TLN2: variants seen among roughly 807,000 people sequenced by gnomAD.
TLN2 encodes talin 2, also known as talin-2.
Under a neutral mutation model 294.7 loss-of-function variants are expected in TLN2, and 118 were observed. The ratio of observed to expected loss-of-function variants is 0.40; its 90% CI spans 0.34 to 0.47. TLN2 has a LOEUF of 0.47. Among genes scored for constraint, TLN2 ranks in the 20% least tolerant of loss-of-function variants. The pLI is 0.84. For missense variants in TLN2, 3,083 were observed against 3,282.2 expected, an observed-to-expected ratio of 0.94 and a Z score of 1.48; for synonymous variants, 1,431 against 1,304.5, an observed-to-expected ratio of 1.10 and a Z score of -2.09.
chr15:62,433,816 C>T (rs940471295), intron 1 of TLN2, among the ~76,000 whole-genome samples: 19 of 151,488 alleles, frequency 1.3e-4, no homozygotes, highest in Non-Finnish European at 7.4e-5. Flanking sequence ...TGGTGAAACC[C>T]TGCCTCTACT....
At position 62,472,285 on chromosome 15, in the gene TLN2, C is replaced by A. The variant is rs149495605; in HGVS notation, c.-238+81600C>A. ...CCCCCAAACCCAGATCACATGCTCCCAGCCTTCGAGATGACTCCTTATATC... is the reference window on the plus strand; with the variant it reads ...CCCCCAAACCCAGATCACATGCTCCAAGCCTTCGAGATGACTCCTTATATC... On this transcript the variant is annotated intron_variant, in intron 1 of 58. Coordinates refer to ENST00000636159, the MANE Select transcript of TLN2 (RefSeq NM_015059.3). Among the ~76,000 whole-genome samples, 528 of 152,330 alleles carry A rather than the reference C, an allele frequency of 3.5e-3. 3 individuals carry two copies. Among genetic ancestry groups the A allele is most frequent in the Non-Finnish European group, 5.2e-3 (351 of 68,024 alleles).
intron 1 of TLN2, among the ~76,000 whole-genome samples, chr15:62,453,260 T>C (rs1434876953): frequency 1.4e-4 from 2 of 14,748 alleles, no homozygotes; most frequent in Non-Finnish European, 3.4e-4. Flanking sequence ...GTCAACCTAT[T>C]TTTTTTTTTT....
intron 7 of TLN2, among the ~76,000 whole-genome samples, chr15:62,653,808 T>C (rs1271553463): frequency 6.6e-6 from 1 of 152,318 alleles, no homozygotes; most frequent in South Asian, 2.1e-4. Flanking sequence ...TAATATCAGA[T>C]ATACAAATCA....
chr15:62,478,761 G>A (rs549288406), intron 1 of TLN2, among the ~76,000 whole-genome samples: 9 of 152,292 alleles, frequency 5.9e-5, no homozygotes, highest in Non-Finnish European at 1.2e-4. Flanking sequence ...AAGTGACCTC[G>A]CTCTGGTCAG....
In TLN2 at chr15:62,451,527, C is replaced by T. The variant is rs376484897; in HGVS notation, c.-238+60842C>T. Among the ~76,000 whole-genome samples the T allele has an allele frequency of 4.7e-4, 72 of 152,244 alleles. No individual in the cohort carries two copies. In the South Asian group the frequency reaches 0.015, roughly 31 times the overall value. On this transcript the variant is annotated intron_variant, in intron 1 of 58. Coordinates refer to ENST00000636159, the MANE Select transcript of TLN2 (RefSeq NM_015059.3). ...AAAAAATTAGCTAGGCATGGTGGTG[C>T]GTGCCTGTAGTCCCAGTTACTCAGG...
At chr15:62,547,147 C>T (rs2042038976) in intron 1 of TLN2, among the ~76,000 whole-genome samples, 1 of 152,134 alleles carries the variant, frequency 6.6e-6, no homozygotes. Context: ...TGTAAAGATA[C>T]CTGCTTTATT....
chr15:62,693,615 T>TTA, intron 13 of TLN2, among the ~76,000 whole-genome samples: 1 of 151,122 alleles, frequency 6.6e-6, no homozygotes, highest in African/African-American at 2.4e-5. Context: ...GTTTTTTTTT[T>TTA]AAACAAATGT....
chr15:62,423,243 T>C (rs968769170), intron 1 of TLN2, among the ~76,000 whole-genome samples: 8 of 152,086 alleles, frequency 5.3e-5, no homozygotes. Flanking sequence ...AAAAATTATC[T>C]GGGCATGGTG....
At chr15:62,720,648 G>GGTGT (rs5813167) in intron 25 of TLN2, among the ~76,000 whole-genome samples, 4,507 of 149,160 alleles carry the variant, frequency 0.03, 161 homozygotes, top group African/African-American at 0.087. Context: ...ATACAACACA[G>GGTGT]GTGTGTGTGT....
chr15:62,428,537 T>A (rs927409781), intron 1 of TLN2, among the ~76,000 whole-genome samples: 23 of 152,254 alleles, frequency 1.5e-4, no homozygotes, highest in African/African-American at 4.6e-4. Context: ...CCCGGCCTAT[T>A]AAAGCCAATT....
intron 15 of TLN2, among the ~76,000 whole-genome samples, chr15:62,698,322 A>G (rs1006616975): frequency 3.3e-5 from 5 of 152,214 alleles, no homozygotes; most frequent in African/African-American, 7.2e-5. Context: ...AAGCTCAGGA[A>G]CAACACTTGT....
At chr15:62,485,095 C>T (rs1333823431) in intron 1 of TLN2, among the ~76,000 whole-genome samples, 1 of 152,162 alleles carries the variant, frequency 6.6e-6, no homozygotes, top group Non-Finnish European at 1.5e-5. Context: ...CTCTCTGACC[C>T]TCCTTTCATC....
intron 45 of TLN2, among the ~76,000 whole-genome samples, chr15:62,787,693 CTTTTTTTTTT>C (rs71672889): frequency 1.5e-5 from 1 of 65,562 alleles, no homozygotes; most frequent in Non-Finnish European, 3.1e-5. Context: ...AACTCCTTAT[CTTTTTTTTTT>C]TTTTTTTTTT....
At chr15:62,397,729 G>A (rs1048676309) in intron 1 of TLN2, among the ~76,000 whole-genome samples, 1 of 152,204 alleles carries the variant, frequency 6.6e-6, no homozygotes, top group Non-Finnish European at 1.5e-5. Context: ...TGCAGGGCTT[G>A]TTAAACCCCA....
intron 1 of TLN2, among the ~76,000 whole-genome samples, chr15:62,522,941 TACACACACACAC>T (rs71129007): frequency 1.7e-4 from 22 of 133,170 alleles, no homozygotes; most frequent in East Asian, 2.4e-4. Context: ...GAATGTGGCT[TACACACACACAC>T]ACACACACAC....
intron 48 of TLN2, among the ~76,000 whole-genome samples, chr15:62,797,629 T>C (rs949371701): frequency 6.6e-6 from 1 of 150,670 alleles, no homozygotes; most frequent in African/African-American, 2.4e-5. Context: ...TTGAGAAGAG[T>C]CTAGAAGGAA....
intron 1 of TLN2, among the ~76,000 whole-genome samples, chr15:62,489,121 G>A (rs553525392): frequency 4.6e-5 from 7 of 152,092 alleles, no homozygotes; most frequent in South Asian, 2.1e-4. Context: ...AGATTGTGCC[G>A]CTGCACTCCA....
chr15:62,781,182 G>A lies in TLN2; in HGVS notation c.5557G>A (p.Asp1853Asn), dbSNP rs769821538. The A allele has an allele frequency of 7.4e-6, 12 of 1,614,000 alleles. No individual in the cohort carries two copies. Among genetic ancestry groups the A allele is most frequent in the South Asian group, 1.1e-5 (1 of 91,078 alleles). ...TPPEPKGTFV[D>N]YQTTVVKYSK... ...TCCAGAACCAAAGGGAACATTTGTCGACTATCAGACGACTGTGGTTAAATA... is the reference window on the plus strand; with the variant it reads ...TCCAGAACCAAAGGGAACATTTGTCAACTATCAGACGACTGTGGTTAAATA... The change falls in exon 44 of 59, where the codon GAC (aspartate) becomes AAC (asparagine). Residue 1853 changes from aspartate (D) to asparagine (N), a missense_variant. Asp to Asn is a conservative substitution (Grantham distance 23). Coordinates refer to ENST00000636159, the MANE Select transcript of TLN2 (RefSeq NM_015059.3).
At chr15:62,761,173 C>T (rs1389798759) in intron 37 of TLN2, among the ~76,000 whole-genome samples, 1 of 152,178 alleles carries the variant, frequency 6.6e-6, no homozygotes, top group Non-Finnish European at 1.5e-5. Flanking sequence ...GACAGTTATG[C>T]CTGCCTTGCC....
Sources: allele counts gnomAD v4.1 joint callset (sites outside exome capture counted in the v4.1 genomes callset), GRCh38; gene constraint gnomAD v4.1.1; transcripts MANE v1.5; gene names NCBI Gene and HGNC (gene_info 2026-07-23, HGNC 2026-07-21).